PLXNA4: variants seen among roughly 807,000 people sequenced by gnomAD.
PLXNA4 encodes plexin-A4.
Under a neutral mutation model 191.8 loss-of-function variants are expected in PLXNA4, and 44 were observed. That is an observed-to-expected ratio of 0.23 (90% CI 0.18 to 0.29). PLXNA4 has a LOEUF of 0.29. PLXNA4 is among the 10% of genes least tolerant of loss of function. The pLI is 1.00. For missense variants in PLXNA4, 1,800 were observed against 2,488.8 expected, an observed-to-expected ratio of 0.72 and a Z score of 5.89; for synonymous variants, 1,082 against 1,009.5, an observed-to-expected ratio of 1.07 and a Z score of -1.36.
chr7:132,484,939 G>A, intron 3 of PLXNA4: 1 of 1,614,166 alleles, frequency 6.2e-7, no homozygotes, highest in Non-Finnish European at 8.5e-7. Context: ...GAGAAGCAAT[G>A]TTCGCCCCAG....
chr7:132,645,546 G>A (rs574199058), intron 2 of PLXNA4, among the ~76,000 whole-genome samples: 18 of 152,316 alleles, frequency 1.2e-4, no homozygotes, highest in Non-Finnish European at 2.2e-4. Flanking sequence ...TTATAGCAGT[G>A]TGAAAATGGA....
intron 2 of PLXNA4, among the ~76,000 whole-genome samples, chr7:132,497,983 C>A (rs1292532708): frequency 6.6e-6 from 1 of 152,104 alleles, no homozygotes; most frequent in Non-Finnish European, 1.5e-5. Flanking sequence ...ATTGCAGGGG[C>A]TTAGAGAAAA....
At chr7:132,410,406 C>T (rs1448826565) in intron 3 of PLXNA4, among the ~76,000 whole-genome samples, 1 of 152,180 alleles carries the variant, frequency 6.6e-6, no homozygotes, top group Non-Finnish European at 1.5e-5. Flanking sequence ...GAAGGAAGCA[C>T]AGAGATGTGA....
intron 2 of PLXNA4, among the ~76,000 whole-genome samples, chr7:132,593,186 C>T (rs1343942066): frequency 6.6e-6 from 1 of 152,158 alleles, no homozygotes; most frequent in Non-Finnish European, 1.5e-5. Flanking sequence ...AGCTGTTTAC[C>T]CACACAATTG....
upstream of PLXNA4, among the ~76,000 whole-genome samples, chr7:132,577,856 CCCA>C (rs778680382): frequency 1.2e-4 from 19 of 152,118 alleles, no homozygotes; most frequent in Non-Finnish European, 1.8e-4. Context: ...CTCCCAACAC[CCCA>C]CCAAGTCACC....
chr7:132,303,685 C>T (rs1801401710), intron 3 of PLXNA4, among the ~76,000 whole-genome samples: 1 of 152,164 alleles, frequency 6.6e-6, no homozygotes, highest in African/African-American at 2.4e-5. Context: ...CCTGTGTGTC[C>T]CTTGACGGAG....
chr7:132,407,284 T>C (rs74953694), intron 3 of PLXNA4, among the ~76,000 whole-genome samples: 4,303 of 152,240 alleles, frequency 0.028, 242 homozygotes, highest in East Asian at 0.27. Context: ...AGGGATGAGA[T>C]GGACTGATGT....
chr7:132,566,313 C>T (rs1801722397), intron 1 of PLXNA4, among the ~76,000 whole-genome samples: 10 of 152,144 alleles, frequency 6.6e-5, no homozygotes. Context: ...CTCACACACA[C>T]ACACATACAA....
At chr7:132,323,621 G>T (rs1157569651) in intron 3 of PLXNA4, among the ~76,000 whole-genome samples, 1 of 152,150 alleles carries the variant, frequency 6.6e-6, no homozygotes, top group Admixed American at 6.5e-5. Context: ...GGAGTCTTCT[G>T]ACACGACTCT....
In PLXNA4 at chr7:132,564,622, C is replaced by T. The variant is rs1262179856; in HGVS notation, c.-87+11800G>A. Among the ~76,000 whole-genome samples, 3 of 152,214 alleles carry T rather than the reference C, an allele frequency of 2.0e-5. No individual in the cohort carries two copies. In the East Asian group the frequency reaches 5.8e-4, roughly 29 times the overall value. ...TCTTTCATCTCCACACAAATTCTCACATAGTGCCTAGCACACAGTAGGCAC... is the reference window on the plus strand; with the variant it reads ...TCTTTCATCTCCACACAAATTCTCATATAGTGCCTAGCACACAGTAGGCAC... On this transcript the variant is annotated intron_variant, in intron 1 of 31. Transcript: ENST00000321063.
chr7:132,404,933 T>C lies in PLXNA4; in HGVS notation c.1371+84359A>G, dbSNP rs530927657. On this transcript the variant is annotated intron_variant, in intron 3 of 31. Coordinates refer to ENST00000321063, the MANE Select transcript of PLXNA4 (RefSeq NM_020911.2). ...TACTGCCTTCCTGTCACCCCAGTGT[T>C]CCCACTGGCTTCCCCAGGGCTGGTC... 2.4e-4 allele frequency among the ~76,000 whole-genome samples: 36 copies of C among 152,218 alleles called. No individual in the cohort carries two copies. In the South Asian group the frequency reaches 6.9e-3, roughly 29 times the overall value.
intron 3 of PLXNA4, among the ~76,000 whole-genome samples, chr7:132,400,446 A>G (rs1793937617): frequency 6.6e-6 from 1 of 152,114 alleles, no homozygotes; most frequent in Non-Finnish European, 1.5e-5. Context: ...CTCAAATTCC[A>G]TATGTTTGAC....
In PLXNA4 at chr7:132,159,499, C is replaced by T. The variant is rs757522706; in HGVS notation, c.4634G>A (p.Arg1545Gln). The T allele has an allele frequency of 5.6e-6, 9 of 1,614,104 alleles. No individual in the cohort carries two copies. The highest frequency in any genetic ancestry group is 2.2e-5 in the South Asian group (2 of 91,072). Residue 1545 changes from arginine (R) to glutamine (Q), a missense_variant, in exon 25 of 32, where the codon CGG becomes CAG. This residue lies in a region of PLXNA4 where 214 missense variants were observed against 298.2 expected (regional missense o/e 0.72). Transcript: ENST00000321063. ...AIFKNVPCSHRPKAADMDLEW... is the reference protein window; with the variant it reads ...AIFKNVPCSHQPKAADMDLEW... ...CAGATCCATATCTGCAGCTTTGGGC[C>T]GGTGGGAGCAAGGCACATTCTTGAA...
chr7:132,132,496 TTTTCTATTCTATTCTA>T (rs1198484522), intron 31 of PLXNA4, among the ~76,000 whole-genome samples: 884 of 31,754 alleles, frequency 0.028, 18 homozygotes, highest in Middle Eastern at 0.074. Context: ...TGCTCTATTC[TTTTCTATTCTATTCTA>T]TTCTATTCTA....
chr7:132,414,747 A>G (rs947302231), intron 3 of PLXNA4, among the ~76,000 whole-genome samples: 9 of 152,160 alleles, frequency 5.9e-5, no homozygotes, highest in Non-Finnish European at 1.2e-4. Flanking sequence ...GAACAGAGAC[A>G]CTGGCAAGAG....
chr7:132,495,319 G>C (rs746717244), intron 2 of PLXNA4, among the ~76,000 whole-genome samples: 4 of 152,202 alleles, frequency 2.6e-5, no homozygotes, highest in African/African-American at 7.2e-5. Flanking sequence ...TGAGGTGAAG[G>C]TCAGCAGGTC....
chr7:132,429,520 G>T (rs1381511205), intron 3 of PLXNA4, among the ~76,000 whole-genome samples: 7 of 152,172 alleles, frequency 4.6e-5, no homozygotes, highest in Admixed American at 3.3e-4. Context: ...CTGTGTTCTA[G>T]CAAAACTGTA....
chr7:132,148,529 C>T lies in PLXNA4; in HGVS notation c.4764+14G>A. The T allele has an allele frequency of 6.2e-7, 1 of 1,613,960 alleles. No individual in the cohort carries two copies. Among genetic ancestry groups the T allele is most frequent in the Non-Finnish European group, 8.5e-7 (1 of 1,179,904 alleles). Reference sequence around the variant, plus strand: ...GTAGTTGGCTAGCTCCTCCCCTTTCCACATTCCCCTCACCTGGTAGTGGGC... The same window carrying T: ...GTAGTTGGCTAGCTCCTCCCCTTTCTACATTCCCCTCACCTGGTAGTGGGC... On this transcript the variant is annotated intron_variant, in intron 26 of 31. Transcript: ENST00000321063.
chr7:132,296,956 C>T (rs371728951), intron 4 of PLXNA4, among the ~76,000 whole-genome samples: 11 of 152,064 alleles, frequency 7.2e-5, no homozygotes, highest in African/African-American at 1.7e-4. Flanking sequence ...TGGCTGAAGT[C>T]GGGAGAACGG....
Sources: allele counts gnomAD v4.1 joint callset (sites outside exome capture counted in the v4.1 genomes callset), GRCh38; gene constraint gnomAD v4.1.1; regional missense constraint gnomAD v4.1.1; transcripts MANE v1.5; gene names NCBI Gene and HGNC (gene_info 2026-07-23, HGNC 2026-07-21).